Variants in FAM184A observed in about 807,000 individuals in gnomAD.
FAM184A encodes the protein protein FAM184A.
FAM184A carries 99 observed loss-of-function variants against 143.8 expected under a neutral mutation model. The ratio of observed to expected loss-of-function variants is 0.69; its 90% CI spans 0.58 to 0.81. The LOEUF (loss-of-function observed/expected upper bound fraction) is 0.81. FAM184A is among the 40% of genes least tolerant of loss of function. FAM184A has a pLI of 0.00. For missense variants in FAM184A, 1,217 were observed against 1,310.5 expected, an observed-to-expected ratio of 0.93 and a Z score of 1.10; for synonymous variants, 427 against 446.4, an observed-to-expected ratio of 0.96 and a Z score of 0.55.
chr6:119,044,653 GA>G (rs951191879), intron 1 of FAM184A, among the ~76,000 whole-genome samples: 39 of 148,202 alleles, frequency 2.6e-4, no homozygotes, highest in Admixed American at 2.0e-4. Context: ...TGAACACTTT[GA>G]AAAAAAAAAT....
At chr6:119,059,899 CTAT>C (rs1405963308) in intron 1 of FAM184A, among the ~76,000 whole-genome samples, 1 of 152,102 alleles carries the variant, frequency 6.6e-6, no homozygotes, top group East Asian at 1.9e-4. Context: ...AACAAAAAGA[CTAT>C]TGTTTGGTAT....
At chr6:119,123,084 G>A (rs1263944990) in intron 1 of FAM184A, among the ~76,000 whole-genome samples, 6 of 151,826 alleles carry the variant, frequency 4.0e-5, no homozygotes, top group Non-Finnish European at 7.4e-5. Context: ...ATGGTCTGTG[G>A]TCTCAGGCAA....
chr6:119,062,371 T>C (rs1787292405), intron 1 of FAM184A, among the ~76,000 whole-genome samples: 1 of 151,966 alleles, frequency 6.6e-6, no homozygotes, highest in South Asian at 2.1e-4. Flanking sequence ...GGCATAAGAT[T>C]GGTTAGTTTT....
chr6:119,102,783 T>C (rs1432739908), intron 1 of FAM184A, among the ~76,000 whole-genome samples: 1 of 8,000 alleles, frequency 1.3e-4, no homozygotes, highest in Non-Finnish European at 2.0e-4. Context: ...AGACTCCATC[T>C]CAAAAAAAAA....
intron 9 of FAM184A, among the ~76,000 whole-genome samples, chr6:119,001,914 T>C (rs946195919): frequency 1.3e-5 from 2 of 152,122 alleles, no homozygotes; most frequent in African/African-American, 4.8e-5. Flanking sequence ...GTGTCCAAAT[T>C]CTAGTAAAAG....
chr6:119,005,597 C>T (rs915325330), intron 7 of FAM184A: 7 of 153,256 alleles, frequency 4.6e-5, no homozygotes, highest in African/African-American at 1.7e-4. Flanking sequence ...AGTGTTATTA[C>T]CCCCCACCTC....
intron 1 of FAM184A, among the ~76,000 whole-genome samples, chr6:119,071,524 A>G (rs1440563084): frequency 1.3e-5 from 2 of 152,254 alleles, no homozygotes. Flanking sequence ...CAAAATATAC[A>G]ACCTATAAAC....
intron 1 of FAM184A, chr6:119,025,749 A>G (rs1483935184): frequency 2.5e-6 from 1 of 393,260 alleles, no homozygotes; most frequent in Non-Finnish European, 4.9e-6. Flanking sequence ...CCGGAAGCGA[A>G]AAGAAGTAAA....
Position 119,078,180 on chromosome 6 carries a change from CATCTCCT to C in FAM184A, c.113_119del (p.Gln38ArgfsTer3), listed in dbSNP as rs1787944246. On this transcript the variant is annotated frameshift_variant, in exon 1 of 18. Transcript: ENST00000338891. LOFTEE classifies it high-confidence loss of function. This position sits in a 1 kb window ranked among gnomAD's most constrained non-coding sequence, Gnocchi z 5.5. ...CGATTTTCTTGCTCATTTTCAGGTG[CATCTCCT>C]GGCTGTAGTCCATGCTGTGCCCAGC... The C allele has an allele frequency of 6.3e-7, 1 of 1,591,488 alleles. No individual in the cohort carries two copies. Among genetic ancestry groups the C allele is most frequent in the Non-Finnish European group, 8.5e-7 (1 of 1,170,936 alleles).
rs560044698 is a variant in FAM184A at position 119,034,162 on chromosome 6, C to T, written c.160-9349G>A. On this transcript the variant is annotated intron_variant, in intron 1 of 17. Coordinates refer to ENST00000338891, the MANE Select transcript of FAM184A (RefSeq NM_024581.6). ...AATATTAAAATGAGGAGATCATAAA[C>T]GAACATACATTCTAAAGAAAAAAGC... Among the ~76,000 whole-genome samples, 174 of 148,402 alleles carry T rather than the reference C, an allele frequency of 1.2e-3. 1 individual carries two copies. The highest frequency in any genetic ancestry group is 1.9e-3 in the Non-Finnish European group (128 of 67,204).
intron 1 of FAM184A, among the ~76,000 whole-genome samples, chr6:119,065,955 CT>C (rs1471679521): frequency 6.6e-6 from 1 of 152,170 alleles, no homozygotes. Context: ...GGAGAAAGTT[CT>C]TTTCACGAAT....
At chr6:119,050,534 C>T (rs1439886429) in intron 1 of FAM184A, among the ~76,000 whole-genome samples, 8 of 151,936 alleles carry the variant, frequency 5.3e-5, no homozygotes, top group Admixed American at 1.3e-4. Context: ...AGGCCGGGCG[C>T]GGTGGCTCAC....
Position 119,089,387 on chromosome 6 carries a change from G to A in FAM184A, c.-202+59691C>T, listed in dbSNP as rs115467439. The stretch of plus-strand genomic sequence containing the variant: ...CCTGGCTATTTTTTTTTGTATTTTC[G>A]TAGAGACGGGTTTCAACTGGTCTCA... On this transcript the variant is annotated intron_variant, in intron 1 of 16. Transcript: ENST00000352896. Among the ~76,000 whole-genome samples, 1,258 of 151,438 alleles carry A rather than the reference G, an allele frequency of 8.3e-3. 16 individuals carry two copies. Among genetic ancestry groups the A allele is most frequent in the African/African-American group, 0.029 (1,189 of 41,274 alleles).
At chr6:119,036,198 T>G (rs147485377) in intron 1 of FAM184A, among the ~76,000 whole-genome samples, 303 of 123,348 alleles carry the variant, frequency 2.5e-3, no homozygotes, top group Non-Finnish European at 4.0e-3. Context: ...ACGTCTTTTT[T>G]TCCCCTCGGT....
chr6:119,034,041 T>TAGAGAGAGAG (rs57162948), intron 1 of FAM184A, among the ~76,000 whole-genome samples: 20 of 42,002 alleles, frequency 4.8e-4, no homozygotes, highest in African/African-American at 2.0e-3. Flanking sequence ...TATATATATA[T>TAGAGAGAGAG]AGAGAGAGAG....
intron 1 of FAM184A, among the ~76,000 whole-genome samples, chr6:119,039,560 T>G (rs1351593024): frequency 3.9e-5 from 6 of 152,164 alleles, no homozygotes; most frequent in Non-Finnish European, 8.8e-5. Context: ...TTACATGACA[T>G]TCTAGAAAAG....
chr6:119,094,134 C>T (rs1365610550), intron 1 of FAM184A, among the ~76,000 whole-genome samples: 1 of 151,676 alleles, frequency 6.6e-6, no homozygotes, highest in East Asian at 1.9e-4. Flanking sequence ...TGCCCAGGCA[C>T]AATCATAGCT....
At chr6:119,068,986 T>C in intron 1 of FAM184A, 1 of 323,612 alleles carries the variant, frequency 3.1e-6, no homozygotes, top group South Asian at 2.5e-5. Context: ...ATGTTGTAAT[T>C]AAAATATATG....
In FAM184A at chr6:119,016,913, T is replaced by C; in HGVS notation, c.1364A>G (p.Glu455Gly). ...KVNEAKRTQQ[E>G]YYERELKNLQ... ...GTTTTTAAGTTCCCTTTCATAATAT[T>C]CTTGCTGAGTTCTCTTTGCTTCATT... Residue 455 changes from glutamate to glycine, a missense_variant, in exon 5 of 18, where the codon GAA becomes GGA. Coordinates refer to ENST00000338891, the MANE Select transcript of FAM184A (RefSeq NM_024581.6). The C allele has an allele frequency of 1.2e-6, 2 of 1,612,630 alleles. No individual in the cohort carries two copies. The highest frequency in any genetic ancestry group is 1.7e-6 in the Non-Finnish European group (2 of 1,179,470).
Sources: gnomAD v4.1 joint callset for allele counts (sites outside exome capture counted in the v4.1 genomes callset) on GRCh38, gnomAD v4.1.1 for gene constraint, Gnocchi (gnomAD v3.1) non-coding constraint, MANE v1.5 for transcripts, NCBI Gene and HGNC (gene_info 2026-07-23, HGNC 2026-07-21) for gene names.